SLC30A8: variants seen among roughly 807,000 people sequenced by gnomAD.
SLC30A8 encodes proton-coupled zinc antiporter SLC30A8.
A neutral mutation model predicts 36.9 loss-of-function variants in SLC30A8; 27 were observed. That is an observed-to-expected ratio of 0.73 (90% CI 0.54 to 1.01). The LOEUF (loss-of-function observed/expected upper bound fraction) is 1.01. Among genes scored for constraint, SLC30A8 ranks in the 50% least tolerant of loss-of-function variants. The pLI is 0.00. For synonymous variants in SLC30A8, 164 were observed against 172.4 expected (o/e 0.95, Z 0.38); for missense variants, 439 against 452.0 (o/e 0.97, Z 0.26).
intron 6 of SLC30A8, among the ~76,000 whole-genome samples, chr8:117,170,436 C>T (rs868322792): frequency 6.6e-6 from 1 of 152,014 alleles, no homozygotes; most frequent in Non-Finnish European, 1.5e-5. Context: ...ACTTACAAAC[C>T]GAATAAGATG....
intron 2 of SLC30A8, among the ~76,000 whole-genome samples, chr8:117,096,536 CCTATT>C (rs142414607): frequency 0.012 from 1,769 of 152,182 alleles, 50 homozygotes; most frequent in African/African-American, 0.04. Context: ...AAGGAAATCT[CCTATT>C]CTACATTTGC....
intron 2 of SLC30A8, among the ~76,000 whole-genome samples, chr8:117,149,677 T>TATCA (rs964253044): frequency 2.6e-5 from 4 of 152,224 alleles, no homozygotes; most frequent in African/African-American, 9.6e-5. Context: ...TGCCTCCTGC[T>TATCA]ATCACACAGT....
At chr8:117,169,595 G>A (rs1823260676) in intron 6 of SLC30A8, among the ~76,000 whole-genome samples, 1 of 152,074 alleles carries the variant, frequency 6.6e-6, no homozygotes, top group Non-Finnish European at 1.5e-5. Flanking sequence ...ACCTGAGACT[G>A]GATAATTTAT....
intron 2 of SLC30A8, among the ~76,000 whole-genome samples, chr8:117,105,436 C>G (rs1322277080): frequency 6.6e-6 from 1 of 152,038 alleles, no homozygotes; most frequent in East Asian, 1.9e-4. Context: ...AGAAACGAAA[C>G]CAATAGAACA....
intron 1 of SLC30A8, among the ~76,000 whole-genome samples, chr8:117,006,635 C>T (rs3019880): frequency 0.31 from 46,878 of 151,814 alleles, 8,914 homozygotes; most frequent in South Asian, 0.43. Context: ...GGGGGCAGAA[C>T]GGCTGGTGCG....
At chr8:116,969,811 C>T (rs1408615631) in intron 1 of SLC30A8, among the ~76,000 whole-genome samples, 2 of 151,994 alleles carry the variant, frequency 1.3e-5, no homozygotes, top group Admixed American at 1.3e-4. Flanking sequence ...ATATCAGTTA[C>T]CATGAATGGA....
intron 1 of SLC30A8, among the ~76,000 whole-genome samples, chr8:116,999,930 G>A (rs1815953920): frequency 6.6e-6 from 1 of 152,112 alleles, no homozygotes; most frequent in Non-Finnish European, 1.5e-5. Flanking sequence ...TTTCCTAAAA[G>A]TTTTCTGTTC....
intron 1 of SLC30A8, among the ~76,000 whole-genome samples, chr8:117,010,246 A>G (rs6469668): frequency 0.49 from 73,829 of 151,978 alleles, 19,214 homozygotes; most frequent in African/African-American, 0.67. Flanking sequence ...CTTCTTATCA[A>G]TGGGGCCTGA....
intron 1 of SLC30A8, among the ~76,000 whole-genome samples, chr8:116,998,470 G>T (rs796152513): frequency 3.3e-4 from 50 of 152,330 alleles, no homozygotes; most frequent in African/African-American, 9.9e-4. Flanking sequence ...TCATCCTACT[G>T]TCTTGGTAAC....
chr8:117,133,985 T>C (rs1337121311), upstream of SLC30A8, among the ~76,000 whole-genome samples: 1 of 151,870 alleles, frequency 6.6e-6, no homozygotes, highest in African/African-American at 2.4e-5. Flanking sequence ...GTGTTTGAAA[T>C]CTTAAGATAA....
At chr8:116,977,983 G>T (rs189082958) in intron 1 of SLC30A8, among the ~76,000 whole-genome samples, 5 of 150,774 alleles carry the variant, frequency 3.3e-5, no homozygotes, top group Admixed American at 3.3e-4. Flanking sequence ...CTGGGAAATG[G>T]CTAGTACCCG....
intron 1 of SLC30A8, among the ~76,000 whole-genome samples, chr8:116,965,019 C>G (rs1317096945): frequency 6.6e-6 from 1 of 152,180 alleles, no homozygotes; most frequent in East Asian, 1.9e-4. Context: ...TCACTGCAAC[C>G]TCTGCCTCCC....
intron 2 of SLC30A8, among the ~76,000 whole-genome samples, chr8:117,095,371 A>G (rs1819312191): frequency 6.6e-6 from 1 of 152,192 alleles, no homozygotes; most frequent in Admixed American, 6.5e-5. Context: ...TAGTAATAAT[A>G]GTAACATATT....
chr8:117,113,548 C>T (rs1027272453), intron 2 of SLC30A8, among the ~76,000 whole-genome samples: 6 of 152,062 alleles, frequency 3.9e-5, no homozygotes, highest in African/African-American at 1.4e-4. Flanking sequence ...CTGCATTGCC[C>T]AGGAACTGGA....
intron 2 of SLC30A8, among the ~76,000 whole-genome samples, chr8:117,103,984 A>G (rs1455046224): frequency 6.6e-6 from 1 of 152,168 alleles, no homozygotes; most frequent in Non-Finnish European, 1.5e-5. Context: ...TTCTGTGGAC[A>G]TCATGGGGAT....
Position 117,172,277 on chromosome 8 carries a change from C to T in SLC30A8, c.965-259C>T, listed in dbSNP as rs59274021. Among the ~76,000 whole-genome samples the T allele has an allele frequency of 7.0e-4, 107 of 152,214 alleles. No individual in the cohort carries two copies. In the East Asian group the frequency reaches 0.018, roughly 26 times the overall value. ...GGCTTGTCTCCCCTTCCATAGTAAG[C>T]TCCTAGGAATGCCAGACTCCAGAGA... On this transcript the variant is annotated intron_variant, in intron 7 of 7. Coordinates refer to ENST00000456015, the MANE Select transcript of SLC30A8 (RefSeq NM_173851.3).
Position 117,171,139 on chromosome 8 carries a change from A to C in SLC30A8, c.935A>C (p.Gln312Pro). ...SLHIWSLTMN[Q>P]VILSAHVATA... Reference sequence around the variant, plus strand: ...CACATCTGGTCTCTAACAATGAATCAAGTAATTCTCTCAGCTCATGTTGCT... The same window carrying C: ...CACATCTGGTCTCTAACAATGAATCCAGTAATTCTCTCAGCTCATGTTGCT... Residue 312 changes from glutamine (Q) to proline (P), a missense_variant, in exon 7 of 8, where the codon CAA becomes CCA. Physicochemically the swap from Gln to Pro is moderately conservative, Grantham distance 76. Transcript: ENST00000456015. The C allele has an allele frequency of 2.5e-6, 4 of 1,613,540 alleles. No individual in the cohort carries two copies. The highest frequency in any genetic ancestry group is 3.4e-6 in the Non-Finnish European group (4 of 1,179,630).
intron 1 of SLC30A8, among the ~76,000 whole-genome samples, chr8:116,994,621 A>T (rs1815753861): frequency 6.6e-6 from 1 of 152,110 alleles, no homozygotes; most frequent in Non-Finnish European, 1.5e-5. Flanking sequence ...GCTACTTGGA[A>T]GGGTGATTTC....
At chr8:117,116,894 C>T (rs1447726761) in intron 2 of SLC30A8, among the ~76,000 whole-genome samples, 1 of 151,996 alleles carries the variant, frequency 6.6e-6, no homozygotes, top group Non-Finnish European at 1.5e-5. Flanking sequence ...TTATAGAAGG[C>T]CAGTATTTGG....
Sources: gnomAD v4.1 joint callset for allele counts (sites outside exome capture counted in the v4.1 genomes callset) on GRCh38, gnomAD v4.1.1 for gene constraint, MANE v1.5 for transcripts, NCBI Gene and HGNC (gene_info 2026-07-23, HGNC 2026-07-21) for gene names.